VRK2: variants seen among roughly 807,000 people sequenced by gnomAD.
VRK2 encodes VRK serine/threonine kinase 2.
A neutral mutation model predicts 57.6 loss-of-function variants in VRK2; 60 were observed. The ratio of observed to expected loss-of-function variants is 1.04; its 90% CI spans 0.85 to 1.29. The LOEUF is 1.29. VRK2 is among the 50% of genes most tolerant of loss of function. VRK2 has a pLI of 0.00. For missense variants in VRK2, 705 were observed against 588.1 expected (o/e 1.20, Z -2.06); for synonymous variants, 231 against 199.2 (o/e 1.16, Z -1.35).
In VRK2 at chr2:58,146,491, T is replaced by C; in HGVS notation, c.1182+17T>C. ...GCAGCTCAGGTGAGAGGGTTGTTTG[T>C]GTGTGTTTTTTCTAACTTAATGTTA... On this transcript the variant is annotated intron_variant, in intron 12 of 12. Transcript: ENST00000340157. 1 of 1,597,546 alleles carries C rather than the reference T, an allele frequency of 6.3e-7. No individual in the cohort carries two copies. Among genetic ancestry groups the C allele is most frequent in the South Asian group, 1.1e-5 (1 of 88,174 alleles).
At chr2:57,920,312 T>C (rs1195154359) in intron 1 of VRK2, among the ~76,000 whole-genome samples, 2 of 152,126 alleles carry the variant, frequency 1.3e-5, no homozygotes, top group African/African-American at 4.8e-5. Context: ...CTTATTATTC[T>C]TTAATTGAAC....
At chr2:58,064,519 C>G (rs988767345) in intron 2 of VRK2, among the ~76,000 whole-genome samples, 4 of 152,058 alleles carry the variant, frequency 2.6e-5, no homozygotes, top group Non-Finnish European at 5.9e-5. Context: ...TTAAAAGATA[C>G]TGCTGTTGTA....
chr2:58,035,936 G>A (rs1674260685), intron 3 of VRK2, among the ~76,000 whole-genome samples: 1 of 151,994 alleles, frequency 6.6e-6, no homozygotes, highest in Non-Finnish European at 1.5e-5. Flanking sequence ...TATAAATGGG[G>A]AATTATCTTA....
intron 2 of VRK2, 38 bp downstream of exon 2, chr2:58,049,005 C>T (rs1157778085): frequency 8.1e-6 from 13 of 1,597,830 alleles, no homozygotes; most frequent in South Asian, 1.1e-5. Flanking sequence ...ATTCTTATAT[C>T]TGTGACTGTA....
chr2:57,952,195 AC>A (rs1241550996), intron 1 of VRK2, among the ~76,000 whole-genome samples: 2 of 152,222 alleles, frequency 1.3e-5, no homozygotes, highest in Non-Finnish European at 1.5e-5. Context: ...TGTAAACATA[AC>A]TTTTATATGC....
intron 12 of VRK2, among the ~76,000 whole-genome samples, chr2:58,158,718 A>G (rs1427320825): frequency 6.6e-6 from 1 of 152,164 alleles, no homozygotes; most frequent in African/African-American, 2.4e-5. Flanking sequence ...AGGAATGATG[A>G]AAACATAGAA....
chr2:57,949,691 T>C (rs1366491584), intron 1 of VRK2, among the ~76,000 whole-genome samples: 1 of 152,210 alleles, frequency 6.6e-6, no homozygotes, highest in Non-Finnish European at 1.5e-5. Context: ...AAGGAAGAGT[T>C]ATATGTCTGT....
chr2:58,023,499 C>T (rs949730444), intron 1 of VRK2, among the ~76,000 whole-genome samples: 1 of 151,946 alleles, frequency 6.6e-6, no homozygotes, highest in African/African-American at 2.4e-5. Context: ...ATATATATAT[C>T]TGTACAAATC....
chr2:57,926,430 CAT>C (rs774763951), intron 1 of VRK2, among the ~76,000 whole-genome samples: 17 of 99,672 alleles, frequency 1.7e-4, no homozygotes, highest in Non-Finnish European at 2.6e-4. Flanking sequence ...TATATATATA[CAT>C]ATATATATGT....
intron 1 of VRK2, among the ~76,000 whole-genome samples, chr2:57,926,520 G>T (rs964855626): frequency 2.4e-4 from 36 of 149,338 alleles, no homozygotes; most frequent in Non-Finnish European, 4.9e-4. Context: ...TATATATATA[G>T]TGTGTGTGTG....
chr2:57,994,113 A>G (rs911982349), intron 1 of VRK2, among the ~76,000 whole-genome samples: 1 of 152,250 alleles, frequency 6.6e-6, no homozygotes, highest in African/African-American at 2.4e-5. Context: ...GAAAATTATC[A>G]GAAATGTCGA....
At chr2:58,033,471 A>T (rs1425905963) in exon 3 of VRK2, 1 of 152,056 alleles carries the variant, frequency 6.6e-6, no homozygotes, top group Non-Finnish European at 1.5e-5. Flanking sequence ...TGAAAAGTCA[A>T]AGAAATGAAT....
intron 7 of VRK2, among the ~76,000 whole-genome samples, chr2:58,101,266 T>C (rs1275391120): frequency 1.3e-5 from 2 of 151,702 alleles, no homozygotes; most frequent in African/African-American, 4.8e-5. Context: ...ATTTTGAAAA[T>C]TTTTAAACAT....
chr2:57,982,397 C>T (rs1329840813), intron 1 of VRK2, among the ~76,000 whole-genome samples: 2 of 152,168 alleles, frequency 1.3e-5, no homozygotes, highest in African/African-American at 2.4e-5. Flanking sequence ...TCCCTGCATG[C>T]AAAAGCACTA....
intron 1 of VRK2, among the ~76,000 whole-genome samples, chr2:57,924,058 C>T (rs1372464143): frequency 6.6e-6 from 1 of 151,798 alleles, no homozygotes; most frequent in Non-Finnish European, 1.5e-5. Context: ...TTTCTGTGTT[C>T]TCTCTTCCGT....
chr2:58,154,983 A>T (rs955355528), intron 12 of VRK2, among the ~76,000 whole-genome samples: 1 of 151,882 alleles, frequency 6.6e-6, no homozygotes, highest in Admixed American at 6.6e-5. Context: ...ATTGATTTCT[A>T]GTTTAATTAT....
At chr2:57,995,816 GTAC>G (rs1672906448) in intron 1 of VRK2, among the ~76,000 whole-genome samples, 1 of 152,064 alleles carries the variant, frequency 6.6e-6, no homozygotes, top group African/African-American at 2.4e-5. Context: ...GTCCACTTTG[GTAC>G]TACTGCCTGG....
intron 7 of VRK2, among the ~76,000 whole-genome samples, chr2:58,098,490 A>G (rs1467328899): frequency 6.6e-6 from 1 of 152,056 alleles, no homozygotes; most frequent in Admixed American, 6.6e-5. Flanking sequence ...ACCATTTTCA[A>G]ATCTTTTATA....
Position 58,159,552 on chromosome 2 carries a change from A to C in VRK2, c.1386A>C (p.Thr462=). The change falls in exon 13 of 13, where the codon ACA becomes ACC. Residue 462 remains threonine, a synonymous_variant. Coordinates refer to ENST00000340157, the MANE Select transcript of VRK2 (RefSeq NM_006296.7). ...KYTSTVSTGI[T]DLESSTGLWP... Reference sequence around the variant, plus strand: ...CTTCCACAGTCAGCACGGGGATCACAGACTTAGAAAGTTCAACTGGACTTT... The same window carrying C: ...CTTCCACAGTCAGCACGGGGATCACCGACTTAGAAAGTTCAACTGGACTTT... 2 of 1,613,866 alleles carry C rather than the reference A, an allele frequency of 1.2e-6. No individual in the cohort carries two copies. The highest frequency in any genetic ancestry group is 1.7e-6 in the Non-Finnish European group (2 of 1,179,824).
Sources: allele counts gnomAD v4.1 joint callset (sites outside exome capture counted in the v4.1 genomes callset), GRCh38; gene constraint gnomAD v4.1.1; transcripts MANE v1.5; gene names NCBI Gene and HGNC (gene_info 2026-07-23, HGNC 2026-07-21).